Variants in AGAP1 observed in about 807,000 individuals in gnomAD.
AGAP1 encodes arf-GAP with GTPase, ANK repeat and PH domain-containing protein 1.
AGAP1 carries 29 observed loss-of-function variants against 105.3 expected under a neutral mutation model. The observed-to-expected ratio is 0.28, with a 90% CI of 0.21 to 0.38. The LOEUF is 0.38. AGAP1 is among the 10% of genes least tolerant of loss of function. AGAP1 has a pLI of 1.00. For synonymous variants in AGAP1, 509 were observed against 485.9 expected (o/e 1.05, Z -0.63); for missense variants, 998 against 1,165.1 (o/e 0.86, Z 2.09).
rs115617155 is a variant in AGAP1 at position 235,744,648 on chromosome 2, T to C, written c.397-50T>C. 2,249 of 1,610,006 alleles carry C rather than the reference T, an allele frequency of 1.4e-3. 32 individuals carry two copies. In the African/African-American group the frequency reaches 0.025, roughly 18 times the overall value. ...GCCATGCAGACATCTCTGTTCTTAA[T>C]CAAGCCTGCTCACTCAGCTCCTGCT... On this transcript the variant is annotated intron_variant, in intron 4 of 17. Coordinates refer to ENST00000304032, the MANE Select transcript of AGAP1 (RefSeq NM_001037131.3). The surrounding 1 kb of genome is among the most constrained non-coding windows in gnomAD (Gnocchi z 5.2).
At chr2:235,924,076 G>A (rs539397227) in intron 11 of AGAP1, among the ~76,000 whole-genome samples, 1 of 152,124 alleles carries the variant, frequency 6.6e-6, no homozygotes, top group African/African-American at 2.4e-5. Context: ...AAACAGATGT[G>A]CCCCCCTCGC....
At position 236,120,904 on chromosome 2, in the gene AGAP1, A is replaced by C. The variant is rs1342742461; in HGVS notation, c.2370+457A>C. On this transcript the variant is annotated intron_variant, in intron 17 of 17. Transcript: ENST00000304032. This position sits in a 1 kb window ranked among gnomAD's most constrained non-coding sequence, Gnocchi z 6.0. ...CATTCTGATTAATTTCTACTGGGGA[A>C]AAGTATTATTTACATTCCTATTGAA... 6.6e-6 allele frequency among the ~76,000 whole-genome samples: 1 copy of C among 152,248 alleles called. No individual in the cohort carries two copies. Among genetic ancestry groups the C allele is most frequent in the African/African-American group, 2.4e-5 (1 of 41,466 alleles).
Position 236,083,866 on chromosome 2 carries a change from TA to T in AGAP1, c.2114+34588del, listed in dbSNP as rs1482392155. Among the ~76,000 whole-genome samples the T allele has an allele frequency of 1.3e-5, 2 of 152,056 alleles. No individual in the cohort carries two copies. The highest frequency in any genetic ancestry group is 4.8e-5 in the African/African-American group (2 of 41,366). ...TGCCCTCAATTAAATGAATCCGAGA[TA>T]AATGGGCATGTGCGTGTGTATGCAC... On this transcript the variant is annotated intron_variant, in intron 16 of 17. Coordinates refer to ENST00000304032, the MANE Select transcript of AGAP1 (RefSeq NM_001037131.3). The surrounding 1 kb of genome is among the most constrained non-coding windows in gnomAD (Gnocchi z 5.3).
At chr2:235,780,500 A>C (rs1956195204) in intron 6 of AGAP1, among the ~76,000 whole-genome samples, 1 of 152,216 alleles carries the variant, frequency 6.6e-6, no homozygotes, top group Non-Finnish European at 1.5e-5. Flanking sequence ...AGCACACCAC[A>C]GATTTGCTGA....
chr2:236,090,277 A>G lies in AGAP1; in HGVS notation c.2115-29915A>G, dbSNP rs1340491986. On this transcript the variant is annotated intron_variant, in intron 16 of 17. Coordinates refer to ENST00000304032, the MANE Select transcript of AGAP1 (RefSeq NM_001037131.3). This position sits in a 1 kb window ranked among gnomAD's most constrained non-coding sequence, Gnocchi z 4.3. ...GATATATTCAACCCTCAGGCGTACC[A>G]TGCAAAGAGGACATAGCCACCCTCT... 6.6e-6 allele frequency among the ~76,000 whole-genome samples: 1 copy of G among 152,228 alleles called. No individual in the cohort carries two copies. Among genetic ancestry groups the G allele is most frequent in the Non-Finnish European group, 1.5e-5 (1 of 68,034 alleles).
intron 6 of AGAP1, among the ~76,000 whole-genome samples, chr2:235,779,003 A>G (rs906977069): frequency 2.6e-4 from 40 of 152,206 alleles, no homozygotes; most frequent in Non-Finnish European, 5.0e-4. Context: ...TTTTACAGAT[A>G]AGGAAACTGA....
chr2:235,696,695 C>G (rs566376661), intron 1 of AGAP1, among the ~76,000 whole-genome samples: 1 of 152,204 alleles, frequency 6.6e-6, no homozygotes. Flanking sequence ...ATCGCTGCCC[C>G]TTTCCCATGC....
At chr2:235,644,465 C>T (rs1163918588) in intron 1 of AGAP1, among the ~76,000 whole-genome samples, 5 of 152,050 alleles carry the variant, frequency 3.3e-5, no homozygotes, top group Admixed American at 6.6e-5. Flanking sequence ...CACAGAGGAT[C>T]GCCCCCGTTT....
chr2:235,859,387 A>AC (rs2048821639), intron 9 of AGAP1, among the ~76,000 whole-genome samples: 2 of 21,752 alleles, frequency 9.2e-5, no homozygotes, highest in African/African-American at 1.3e-4. Flanking sequence ...CTCTCCCCCC[A>AC]CAACCTCCCC....
chr2:236,069,111 C>T (rs979731005), intron 16 of AGAP1, among the ~76,000 whole-genome samples: 4 of 148,542 alleles, frequency 2.7e-5, no homozygotes, highest in East Asian at 4.0e-4. Flanking sequence ...TGGGCAACAG[C>T]GTGAGACTCC....
rs554622854 is a variant in AGAP1, at chr2:235,983,158, C to T, written c.1645+14535C>T. On this transcript the variant is annotated intron_variant, in intron 13 of 17. Transcript: ENST00000304032. This position sits in a 1 kb window ranked among gnomAD's most constrained non-coding sequence, Gnocchi z 4.5. ...CAGGATGCTGGGGCTGGTGGACGAC[C>T]CCAGAGAAGGGACAGGATGGGGGGT... is the stretch of plus-strand genomic sequence containing the variant. Among the ~76,000 whole-genome samples, 3 of 152,140 alleles carry T rather than the reference C, an allele frequency of 2.0e-5. No homozygotes were observed. In the East Asian group the frequency reaches 5.8e-4, roughly 29 times the overall value.
At chr2:235,783,450 A>G (rs1029823443) in intron 6 of AGAP1, 3 of 466,234 alleles carry the variant, frequency 6.4e-6, no homozygotes, top group African/African-American at 6.0e-5. Flanking sequence ...ATGTTCTCAT[A>G]GAGTCCTGTT....
intron 15 of AGAP1, among the ~76,000 whole-genome samples, chr2:236,041,152 A>C (rs987502881): frequency 6.6e-6 from 1 of 152,174 alleles, no homozygotes; most frequent in Non-Finnish European, 1.5e-5. Context: ...TAGGAAGCCC[A>C]GGAATTCAAG....
chr2:235,931,034 C>A lies in AGAP1; in HGVS notation c.1483+111C>A. ...CTCATGCTCCTCTGGGAGCGCAGCA[C>A]CCTGTGGGGCGGCTGCATCAGAGAC... On this transcript the variant is annotated intron_variant, in intron 12 of 17. Coordinates refer to ENST00000304032, the MANE Select transcript of AGAP1 (RefSeq NM_001037131.3). The surrounding 1 kb of genome is among the most constrained non-coding windows in gnomAD (Gnocchi z 5.6). The A allele has an allele frequency of 7.9e-7, 1 of 1,260,424 alleles. No individual in the cohort carries two copies. 78.1% of individuals were successfully genotyped at this position (1,260,424 alleles called of 1,614,324 possible). A position where few individuals can be genotyped will look rare whatever the true frequency, so the allele number is the denominator to read the frequency against.
At chr2:235,915,061 G>GC (rs1368120214) in intron 11 of AGAP1, among the ~76,000 whole-genome samples, 3 of 152,092 alleles carry the variant, frequency 2.0e-5, no homozygotes, top group Non-Finnish European at 4.4e-5. Context: ...CCAGCTCACA[G>GC]CCCCCCACAC....
At position 235,944,605 on chromosome 2, in the gene AGAP1, A is replaced by G. The variant is rs369653151; in HGVS notation, c.1483+13682A>G. On this transcript the variant is annotated intron_variant, in intron 12 of 17. Coordinates refer to ENST00000304032, the MANE Select transcript of AGAP1 (RefSeq NM_001037131.3). ...TATATCAAGCTTTGCATTAATGCAG[A>G]AACTGAAATAAGTATCTCCACTCCC... Among the ~76,000 whole-genome samples, 23 of 152,360 alleles carry G rather than the reference A, an allele frequency of 1.5e-4. No homozygotes were observed. In the South Asian group the frequency reaches 4.8e-3, roughly 32 times the overall value.
At chr2:236,070,560 A>G (rs1170939056) in intron 16 of AGAP1, among the ~76,000 whole-genome samples, 1 of 152,270 alleles carries the variant, frequency 6.6e-6, no homozygotes, top group Non-Finnish European at 1.5e-5. Flanking sequence ...CTATCCACCA[A>G]TGAATGCATA....
chr2:235,573,204 G>T (rs1033212724), intron 1 of AGAP1, among the ~76,000 whole-genome samples: 2 of 149,856 alleles, frequency 1.3e-5, no homozygotes, highest in Non-Finnish European at 1.5e-5. Flanking sequence ...GGGCTCAAGT[G>T]CTCCTAGAGT....
At chr2:236,004,158 T>C (rs1246748935) in intron 13 of AGAP1, among the ~76,000 whole-genome samples, 1 of 152,194 alleles carries the variant, frequency 6.6e-6, no homozygotes, top group Non-Finnish European at 1.5e-5. Context: ...GGAAAGATGC[T>C]CATTTTGTCT....
Sources: allele counts gnomAD v4.1 joint callset (sites outside exome capture counted in the v4.1 genomes callset), GRCh38; gene constraint gnomAD v4.1.1; non-coding constraint Gnocchi (gnomAD v3.1); transcripts MANE v1.5; gene names NCBI Gene and HGNC (gene_info 2026-07-23, HGNC 2026-07-21).